Variants in TLN2 observed in about 807,000 individuals in gnomAD.
TLN2 encodes talin-2.
TLN2 carries 118 observed loss-of-function variants against 294.7 expected under a neutral mutation model. That is an observed-to-expected ratio of 0.40 (90% CI 0.34 to 0.47). The LOEUF is 0.47. Ranked by LOEUF, TLN2 falls within the 20% of genes least tolerant of loss-of-function variation. The pLI, the probability that TLN2 is intolerant of heterozygous loss-of-function variation, is 0.84. For synonymous variants in TLN2, 1,431 were observed against 1,304.5 expected (o/e 1.10, Z -2.09); for missense variants, 3,083 against 3,282.2 (o/e 0.94, Z 1.48).
intron 1 of TLN2, among the ~76,000 whole-genome samples, chr15:62,516,132 G>A (rs556347102): frequency 6.6e-6 from 1 of 152,328 alleles, no homozygotes; most frequent in South Asian, 2.1e-4. Context: ...GAGGTCAAGT[G>A]ACTTGTGCAA....
intron 31 of TLN2, among the ~76,000 whole-genome samples, chr15:62,740,047 G>GTTTTTTT (rs566155596): frequency 7.3e-6 from 1 of 136,214 alleles, no homozygotes; most frequent in Admixed American, 7.3e-5. Flanking sequence ...TGTGTTTTTT[G>GTTTTTTT]TTTTTTTTTT....
intron 1 of TLN2, among the ~76,000 whole-genome samples, chr15:62,460,267 T>G (rs1246804823): frequency 1.3e-5 from 2 of 151,794 alleles, no homozygotes; most frequent in East Asian, 1.9e-4. Flanking sequence ...ATGGTTTTTT[T>G]TTTTTTTTTT....
chr15:62,652,254 C>A, intron 6 of TLN2, 120 bp downstream of exon 6: 3 of 1,052,090 alleles, frequency 2.9e-6, no homozygotes, highest in South Asian at 7.5e-5. Context: ...ACGCCGAGTT[C>A]TGCCTAATCC....
chr15:62,727,283 T>A, intron 28 of TLN2, 94 bp downstream of exon 28: 1 of 1,148,966 alleles, frequency 8.7e-7, no homozygotes, highest in Non-Finnish European at 1.2e-6. Flanking sequence ...ACAATACACG[T>A]GACATTTTTC....
Position 62,738,491 on chromosome 15 carries a change from G to A in TLN2, c.3687+158G>A, listed in dbSNP as rs146842593. 2.3e-3 allele frequency among the ~76,000 whole-genome samples: 351 copies of A among 152,296 alleles called. 1 individual carries two copies. The highest frequency in any genetic ancestry group is 7.8e-3 in the African/African-American group (322 of 41,538). ...CTTTGTTTTCCATGTTTTGCTGTCTGATCAACAAAGTTCCCAGGTGGAGCT... is the reference window on the plus strand; with the variant it reads ...CTTTGTTTTCCATGTTTTGCTGTCTAATCAACAAAGTTCCCAGGTGGAGCT... On this transcript the variant is annotated intron_variant, in intron 30 of 58. Coordinates refer to ENST00000636159, the MANE Select transcript of TLN2 (RefSeq NM_015059.3).
At position 62,820,594 on chromosome 15, in the gene TLN2, C is replaced by T. The variant is rs748045275; in HGVS notation, c.6986C>T (p.Pro2329Leu). ...AAAKKLEQLK[P>L]RAKPKQADET... ...GCTAAGAAGTTAGAGCAACTGAAGC[C>T]AAGAGCAAAACCAAAAGTAAGTGTT... Residue 2329 changes from proline (P) to leucine (L), a missense_variant, in exon 54 of 59, where the codon CCA becomes CTA. Pro to Leu is a moderately conservative substitution (Grantham distance 98). Transcript: ENST00000636159. The T allele has an allele frequency of 1.2e-6, 2 of 1,613,398 alleles. No individual in the cohort carries two copies. The highest frequency in any genetic ancestry group is 2.2e-5 in the East Asian group (1 of 44,856).
intron 1 of TLN2, among the ~76,000 whole-genome samples, chr15:62,512,911 C>T (rs1471159533): frequency 6.6e-6 from 1 of 152,202 alleles, no homozygotes; most frequent in African/African-American, 2.4e-5. Context: ...AAACTGAACT[C>T]TAGTCTTAAA....
At chr15:62,537,024 G>GTTT (rs11331926) in intron 1 of TLN2, among the ~76,000 whole-genome samples, 1 of 144,704 alleles carries the variant, frequency 6.9e-6, no homozygotes, top group Non-Finnish European at 1.5e-5. Context: ...TCATTGTAGT[G>GTTT]TTTTTTTTTT....
At chr15:62,413,206 C>T (rs2033875723) in intron 1 of TLN2, among the ~76,000 whole-genome samples, 1 of 152,146 alleles carries the variant, frequency 6.6e-6, no homozygotes, top group African/African-American at 2.4e-5. Context: ...GACTCTTTAG[C>T]AAACTGAGCC....
intron 1 of TLN2, among the ~76,000 whole-genome samples, chr15:62,547,627 G>C (rs1032627533): frequency 3.9e-5 from 6 of 152,200 alleles, no homozygotes; most frequent in Non-Finnish European, 7.3e-5. Flanking sequence ...GATGCCTTGG[G>C]CTGTGTTTTT....
intron 32 of TLN2, among the ~76,000 whole-genome samples, chr15:62,742,493 G>A (rs1360799338): frequency 1.3e-5 from 2 of 152,142 alleles, no homozygotes; most frequent in African/African-American, 4.8e-5. Flanking sequence ...GGGAAGGAGG[G>A]GGAATGTATA....
intron 1 of TLN2, among the ~76,000 whole-genome samples, chr15:62,559,895 T>A (rs1264099586): frequency 6.6e-6 from 1 of 152,238 alleles, no homozygotes; most frequent in African/African-American, 2.4e-5. Flanking sequence ...TAACCTTCTG[T>A]GGCTGTCCTA....
At chr15:62,418,207 C>T (rs1357392059) in intron 1 of TLN2, among the ~76,000 whole-genome samples, 10 of 152,238 alleles carry the variant, frequency 6.6e-5, no homozygotes, top group Admixed American at 4.6e-4. Flanking sequence ...ACAGTGGGGG[C>T]TCTGGGAATC....
intron 1 of TLN2, among the ~76,000 whole-genome samples, chr15:62,399,256 C>CAA (rs546678440): frequency 0.12 from 7,029 of 58,268 alleles, 1,635 homozygotes; most frequent in African/African-American, 0.13. Flanking sequence ...CCGTCTCAAA[C>CAA]AAAAAAAAAA....
At chr15:62,784,188 T>A (rs376285894) in intron 45 of TLN2, 82 of 414,908 alleles carry the variant, frequency 2.0e-4, no homozygotes, top group African/African-American at 1.5e-3. Flanking sequence ...ACCTGTCTCT[T>A]TTAGCATGCC....
At chr15:62,708,919 A>G (rs983763318) in intron 21 of TLN2, 123 bp downstream of exon 21, 11 of 1,173,538 alleles carry the variant, frequency 9.4e-6, no homozygotes. Context: ...CTTCAGTCTC[A>G]AAGACTTCCC....
intron 19 of TLN2, among the ~76,000 whole-genome samples, chr15:62,704,819 T>C (rs1425606855): frequency 1.3e-5 from 2 of 152,236 alleles, no homozygotes; most frequent in African/African-American, 4.8e-5. Context: ...TGCCCTTGCA[T>C]TGGCCTTTAC....
intron 32 of TLN2, among the ~76,000 whole-genome samples, chr15:62,743,343 C>A (rs1164958390): frequency 6.6e-6 from 1 of 152,066 alleles, no homozygotes; most frequent in Non-Finnish European, 1.5e-5. Context: ...TGTTAACAGT[C>A]TCAAACCCCT....
intron 50 of TLN2, among the ~76,000 whole-genome samples, chr15:62,804,321 G>A (rs906793320): frequency 6.6e-6 from 1 of 152,220 alleles, no homozygotes; most frequent in Non-Finnish European, 1.5e-5. Context: ...CCAGAGGCCA[G>A]GCATGGCAGC....
Sources: allele counts gnomAD v4.1 joint callset (sites outside exome capture counted in the v4.1 genomes callset), GRCh38; gene constraint gnomAD v4.1.1; transcripts MANE v1.5; gene names NCBI Gene and HGNC (gene_info 2026-07-23, HGNC 2026-07-21).